The following SPTLC1 variants were observed in gnomAD, a reference collection of about 807,000 sequenced individuals.
SPTLC1 encodes the protein serine palmitoyltransferase 1.
In SPTLC1, 55 loss-of-function variants were observed where a neutral mutation model predicts 68.9. That is an observed-to-expected ratio of 0.80 (90% CI 0.64 to 1.00). The LOEUF (loss-of-function observed/expected upper bound fraction) is 1.00, where lower values mean the gene tolerates loss of function less well. Ranked by LOEUF, SPTLC1 falls within the 50% of genes least tolerant of loss-of-function variation. The pLI is 0.00. For missense variants in SPTLC1, 449 were observed against 573.1 expected (o/e 0.78, Z 2.21); for synonymous variants, 197 against 201.6 (o/e 0.98, Z 0.19).
intron 3 of SPTLC1, among the ~76,000 whole-genome samples, chr9:92,106,621 G>A (rs1293127971): frequency 2.0e-5 from 3 of 151,910 alleles, no homozygotes; most frequent in East Asian, 1.9e-4. Flanking sequence ...CTCGGCCCAC[G>A]TGCTGTTGGG....
intron 3 of SPTLC1, among the ~76,000 whole-genome samples, chr9:92,086,285 A>G (rs1835127066): frequency 6.6e-6 from 1 of 151,832 alleles, no homozygotes. Context: ...TCCTGTCATT[A>G]TGATGTTAGC....
intron 2 of SPTLC1, chr9:92,109,155 TA>T (rs1188447965): frequency 3.7e-6 from 1 of 269,652 alleles, no homozygotes; most frequent in East Asian, 8.3e-5. Context: ...TTAGGCCTAC[TA>T]ACCAACACAC....
intron 11 of SPTLC1, 118 bp from the exon 12 acceptor site, chr9:92,046,171 A>T: frequency 1.1e-6 from 1 of 898,828 alleles, no homozygotes; most frequent in Non-Finnish European, 1.8e-6. Flanking sequence ...ATCCTTCTAC[A>T]TACTAACAGA....
At chr9:92,035,937 C>A (rs1367729127) in intron 13 of SPTLC1, among the ~76,000 whole-genome samples, 1 of 152,192 alleles carries the variant, frequency 6.6e-6, no homozygotes, top group East Asian at 1.9e-4. Context: ...AACAATAGCT[C>A]AGTTTGTAAA....
At chr9:92,038,646 G>A (rs1432622661) in intron 12 of SPTLC1, among the ~76,000 whole-genome samples, 1 of 152,180 alleles carries the variant, frequency 6.6e-6, no homozygotes, top group African/African-American at 2.4e-5. Context: ...CCTCCTTACA[G>A]GCCCTCTGGG....
Position 92,080,895 on chromosome 9 carries a change from C to T in SPTLC1, c.329G>A (p.Gly110Glu), listed in dbSNP as rs1834857269. The change falls in exon 4 of 15, where the codon GGA (glycine) becomes GAA (glutamate). Residue 110 changes from glycine (G) to glutamate (E), a missense_variant. Gly to Glu is a moderately conservative substitution (Grantham distance 98). This residue lies in a region of SPTLC1 where 391 missense variants were observed against 472.1 expected (regional missense o/e 0.83). Transcript: ENST00000262554. The part of the protein sequence containing the change: ...CINFASFNFL[G>E]LLDNPRVKAA... ...CTTAACCCTAGGGTTATCCAACAAT[C>T]CAAGAAAATTAAATGAGGCGAAGTT... The T allele has an allele frequency of 6.2e-7, 1 of 1,614,078 alleles. No homozygotes were observed. The highest frequency in any genetic ancestry group is 8.5e-7 in the Non-Finnish European group (1 of 1,179,948).
At chr9:92,067,363 C>T (rs1377045994) in intron 6 of SPTLC1, among the ~76,000 whole-genome samples, 1 of 151,994 alleles carries the variant, frequency 6.6e-6, no homozygotes, top group Non-Finnish European at 1.5e-5. Context: ...AATTTTAGTC[C>T]ACTCATAGGA....
chr9:92,079,950 C>G, intron 5 of SPTLC1, 66 bp downstream of exon 5: 1 of 1,403,680 alleles, frequency 7.1e-7, no homozygotes, highest in Non-Finnish European at 1.0e-6. Context: ...GCCACCATGC[C>G]CAGCCTAAAA....
At position 92,050,036 on chromosome 9, in the gene SPTLC1, A is replaced by G. The variant is rs1276130017; in HGVS notation, c.812T>C (p.Ile271Thr). 1 of 1,613,726 alleles carries G rather than the reference A, an allele frequency of 6.2e-7. No individual in the cohort carries two copies. The highest frequency in any genetic ancestry group is 2.2e-5 in the East Asian group (1 of 44,882). ...VKLKYKYKAR[I>T]FLEESLSFGV... ...AAATGAAAGGCTTTCCTCCAGGAAG[A>G]TTCTTGCTTTGTATTTGTATTTTAA... The change falls in exon 9 of 15, where the codon ATC becomes ACC. Residue 271 changes from isoleucine (I) to threonine (T), a missense_variant. Ile to Thr is a moderately conservative substitution (Grantham distance 89). Transcript: ENST00000262554.
intron 10 of SPTLC1, 37 bp downstream of exon 10, chr9:92,047,576 G>A: frequency 1.4e-6 from 2 of 1,386,354 alleles, no homozygotes; most frequent in Non-Finnish European, 2.1e-6. Context: ...GGAGAAATTA[G>A]TTTCAGTTTT....
chr9:92,082,550 C>G (rs1028148715), intron 3 of SPTLC1, among the ~76,000 whole-genome samples: 69 of 151,614 alleles, frequency 4.6e-4, no homozygotes, highest in African/African-American at 1.5e-3. Context: ...TCATCCATGT[C>G]CCTACAAAGG....
At chr9:92,046,138 T>C (rs1833506468) in intron 11 of SPTLC1, 85 bp from the exon 12 acceptor site, 1 of 1,123,360 alleles carries the variant, frequency 8.9e-7, no homozygotes. Context: ...CCAGATCAAG[T>C]TCATCAATTT....
chr9:92,065,257 G>A (rs1834240137), intron 6 of SPTLC1, among the ~76,000 whole-genome samples: 1 of 152,178 alleles, frequency 6.6e-6, no homozygotes, highest in African/African-American at 2.4e-5. Context: ...ACTGTGCTGA[G>A]CCCCACTATT....
At chr9:92,067,108 G>A (rs1022324955) in intron 6 of SPTLC1, among the ~76,000 whole-genome samples, 1 of 152,288 alleles carries the variant, frequency 6.6e-6, no homozygotes, top group Non-Finnish European at 1.5e-5. Flanking sequence ...GACCAGCCTG[G>A]CCAACACGGT....
intron 5 of SPTLC1, among the ~76,000 whole-genome samples, chr9:92,075,716 ACTTAGTTTC>A (rs767144505): frequency 6.6e-6 from 1 of 152,062 alleles, no homozygotes; most frequent in Non-Finnish European, 1.5e-5. Flanking sequence ...AACCTCCAAG[ACTTAGTTTC>A]CTCTTCACAT....
At chr9:92,069,484 T>C (rs760454336) in intron 5 of SPTLC1, among the ~76,000 whole-genome samples, 3 of 152,208 alleles carry the variant, frequency 2.0e-5, no homozygotes, top group Non-Finnish European at 4.4e-5. Flanking sequence ...CCAGGTGATC[T>C]TCGAGTATAA....
chr9:92,049,858 G>C (rs550303398), intron 9 of SPTLC1, 102 bp downstream of exon 9: 1 of 888,282 alleles, frequency 1.1e-6, no homozygotes, highest in Non-Finnish European at 1.9e-6. Flanking sequence ...CCTTCAAACT[G>C]ATAAGGAACA....
intron 3 of SPTLC1, among the ~76,000 whole-genome samples, chr9:92,100,672 C>T (rs571258488): frequency 2.0e-5 from 3 of 152,088 alleles, no homozygotes; most frequent in African/African-American, 7.2e-5. Context: ...GGTGTACCAA[C>T]CCCTGTGACT....
chr9:92,071,081 G>A (rs1488868625), intron 5 of SPTLC1, among the ~76,000 whole-genome samples: 1 of 150,338 alleles, frequency 6.7e-6, no homozygotes, highest in African/African-American at 2.4e-5. Context: ...CATACATACT[G>A]TCCTTAAAAA....
Sources: gnomAD v4.1 joint callset for allele counts (sites outside exome capture counted in the v4.1 genomes callset) on GRCh38, gnomAD v4.1.1 for gene constraint, gnomAD v4.1.1 regional missense constraint, MANE v1.5 for transcripts, NCBI Gene and HGNC (gene_info 2026-07-23, HGNC 2026-07-21) for gene names.